The following MYOZ3 variants were observed in gnomAD, a reference collection of about 807,000 sequenced individuals.
MYOZ3 encodes the protein myozenin 3, also known as myozenin-3.
A neutral mutation model predicts 26.5 loss-of-function variants in MYOZ3; 19 were observed. The ratio of observed to expected loss-of-function variants is 0.72; its 90% confidence interval spans 0.50 to 1.05. MYOZ3 has a LOEUF of 1.05. MYOZ3 is among the 50% of genes least tolerant of loss of function. MYOZ3 has a pLI of 0.00. For synonymous variants in MYOZ3, 135 were observed against 138.8 expected (o/e 0.97, Z 0.19); for missense variants, 322 against 337.1 (o/e 0.96, Z 0.35).
At chr5:150,675,614 C>T (rs1213487456) in intron 6 of MYOZ3, among the ~76,000 whole-genome samples, 2 of 152,180 alleles carry the variant, frequency 1.3e-5, no homozygotes, top group African/African-American at 2.4e-5. Flanking sequence ...CTCAGGTGAT[C>T]GGCCCTCCTC....
Position 150,677,088 on chromosome 5 carries a change from T to G in MYOZ3, c.*213T>G. On this transcript the variant is annotated 3_prime_UTR_variant, in exon 7 of 7. Transcript: ENST00000517768. ...GTTCCAAATCCAGACAACTGGACTG[T>G]CCCAGACTTGCAGCATCAGAGTCTC... 1.9e-6 allele frequency: 1 copy of G among 530,324 alleles called. No homozygotes were observed. The highest frequency in any genetic ancestry group is 1.9e-5 in the African/African-American group (1 of 52,864). The allele number at this position is 530,324 out of a possible 1,614,324, so 32.9% of individuals were successfully genotyped here. A position where few individuals can be genotyped will look rare whatever the true frequency, so the allele number is the denominator to read the frequency against.
At chr5:150,665,458 C>A (rs1276147399) in intron 2 of MYOZ3, among the ~76,000 whole-genome samples, 1 of 152,176 alleles carries the variant, frequency 6.6e-6, no homozygotes, top group African/African-American at 2.4e-5. Flanking sequence ...CACCACGAGA[C>A]TGAGTCCCAG....
chr5:150,672,449 G>C lies in MYOZ3; in HGVS notation c.534G>C (p.Gln178His), dbSNP rs1287633882. Residue 178 changes from glutamine to histidine, a missense_variant, in exon 6 of 7, where the codon CAG becomes CAC. By Grantham distance (24) the Gln-to-His change is conservative. Coordinates refer to ENST00000517768, the MANE Select transcript of MYOZ3 (RefSeq NM_001122853.3). The part of the protein sequence containing the change: ...WQEFVSYRDY[Q>H]SDGRSHTPSP... ...AGTTCGTCAGCTACCGGGACTACCAGAGCGATGGCCGAAGTCACACCCCCA... is the reference window on the plus strand; with the variant it reads ...AGTTCGTCAGCTACCGGGACTACCACAGCGATGGCCGAAGTCACACCCCCA... 6.2e-7 allele frequency: 1 copy of C among 1,609,412 alleles called. No individual in the cohort carries two copies. Among genetic ancestry groups the C allele is most frequent in the South Asian group, 1.1e-5 (1 of 90,530 alleles).
In MYOZ3 at chr5:150,676,543, CAAAAA is replaced by C. The variant is rs749959393; in HGVS notation, c.588-148_588-144del. Among the ~76,000 whole-genome samples the C allele has an allele frequency of 4.4e-3, 257 of 57,970 alleles. 2 individuals are homozygous for C. The highest frequency in any genetic ancestry group is 0.013 in the African/African-American group (248 of 18,384). The allele number at this position is 57,970 out of a possible 152,430, so 38.0% of individuals were successfully genotyped here. On this transcript the variant is annotated intron_variant, in intron 6 of 6. Transcript: ENST00000517768. ...TGGGTGACAGAGCGAGACTCTGTCTCAAAAAAAAAAAAAAAAAAAAGATGTACAGA... is the reference window on the plus strand; with the variant it reads ...TGGGTGACAGAGCGAGACTCTGTCTCAAAAAAAAAAAAAAAGATGTACAGA...
chr5:150,666,630 A>ATATATATATATATAT (rs759319162), intron 2 of MYOZ3, among the ~76,000 whole-genome samples: 3 of 123,046 alleles, frequency 2.4e-5, no homozygotes, highest in African/African-American at 9.8e-5. Flanking sequence ...AAAAAAAAAA[A>ATATATATATATATAT]ATATATATAT....
At chr5:150,672,955 G>C (rs1417590815) in intron 6 of MYOZ3, 1 of 157,318 alleles carries the variant, frequency 6.4e-6, no homozygotes. Flanking sequence ...TTCTCTGAGG[G>C]GTCCCCAGAT....
At chr5:150,662,668 A>C (rs577321508) in intron 1 of MYOZ3, among the ~76,000 whole-genome samples, 3 of 152,134 alleles carry the variant, frequency 2.0e-5, no homozygotes, top group South Asian at 4.3e-4. Context: ...GAGCTGGGAA[A>C]AGGCCCTAGA....
At chr5:150,668,766 C>A (rs73276146) in intron 2 of MYOZ3, among the ~76,000 whole-genome samples, 21,564 of 152,138 alleles carry the variant, frequency 0.14, 2,882 homozygotes, top group African/African-American at 0.36. Context: ...TGGTAGGAAA[C>A]GCACAAAGGA....
intron 6 of MYOZ3, among the ~76,000 whole-genome samples, chr5:150,674,807 C>T (rs1464677783): frequency 6.6e-6 from 1 of 152,188 alleles, no homozygotes; most frequent in Non-Finnish European, 1.5e-5. Context: ...GTCAGAAGTT[C>T]AAGACCAGCC....
chr5:150,667,673 G>A (rs779008042), intron 2 of MYOZ3, among the ~76,000 whole-genome samples: 10 of 152,140 alleles, frequency 6.6e-5, no homozygotes, highest in Non-Finnish European at 1.5e-4. Flanking sequence ...ATAGCTGTCT[G>A]TAGCCAGGAT....
rs1222725616 is a variant in MYOZ3, at chr5:150,661,306, C to T, written c.-123C>T. On this transcript the variant is annotated 5_prime_UTR_variant, in exon 1 of 7. Transcript: ENST00000517768. ...GCTGCAGGGGACACCCTGCTCGCTG[C>T]CTACTGACTGCTGACCGCTGACTGC... 6.6e-6 allele frequency: 1 copy of T among 152,486 alleles called. No homozygotes were observed. The highest frequency in any genetic ancestry group is 2.4e-5 in the African/African-American group (1 of 41,452). The allele number at this position is 152,486 out of a possible 1,614,324, so 9.4% of individuals were successfully genotyped here.
rs1758911148 is a variant in MYOZ3, at chr5:150,671,618, A to G, written c.238A>G (p.Arg80Gly). 4 of 1,613,584 alleles carry G rather than the reference A, an allele frequency of 2.5e-6. No homozygotes were observed. Among genetic ancestry groups the G allele is most frequent in the Admixed American group, 1.7e-5 (1 of 59,992 alleles). Reference protein sequence around the residue: ...QRAMLAGSARRKVTGTAESGT... With the variant: ...QRAMLAGSARGKVTGTAESGT... ...CCAGATGCTGGCCGGAAGCGCCAGG[A>G]GGAAGGTGACTGGAACAGCGGAGTC... The change falls in exon 4 of 7, where the codon AGG becomes GGG. Residue 80 changes from arginine to glycine, a missense_variant. Coordinates refer to ENST00000517768, the MANE Select transcript of MYOZ3 (RefSeq NM_001122853.3).
chr5:150,672,033 C>G, intron 5 of MYOZ3, 125 bp downstream of exon 5: 1 of 1,339,758 alleles, frequency 7.5e-7, no homozygotes, highest in Non-Finnish European at 1.0e-6. Flanking sequence ...CACGCGCACG[C>G]GCGCACTCCC....
At chr5:150,662,562 ACT>A (rs537387184) in intron 1 of MYOZ3, among the ~76,000 whole-genome samples, 80 of 151,772 alleles carry the variant, frequency 5.3e-4, no homozygotes, top group South Asian at 3.5e-3. Flanking sequence ...TTGGACTAGG[ACT>A]CTCCTGGGTC....
chr5:150,675,314 T>C (rs1758986958), intron 6 of MYOZ3, among the ~76,000 whole-genome samples: 1 of 152,224 alleles, frequency 6.6e-6, no homozygotes, highest in Admixed American at 6.5e-5. Context: ...TTTCGAAATC[T>C]ACCATACTAA....
Position 150,679,173 on chromosome 5 carries a change from A to G in MYOZ3, c.*2298A>G, listed in dbSNP as rs886164063. The G allele has an allele frequency of 6.6e-6, 1 of 152,370 alleles. No homozygotes were observed. The highest frequency in any genetic ancestry group is 1.5e-5 in the Non-Finnish European group (1 of 68,044). The allele number at this position is 152,370 out of a possible 1,614,324, so 9.4% of individuals were successfully genotyped here. A position where few individuals can be genotyped will look rare whatever the true frequency, so the allele number is the denominator to read the frequency against. On this transcript the variant is annotated 3_prime_UTR_variant, in exon 7 of 7. Transcript: ENST00000517768. ...TCTGAAAAGTAGACAAGAGGACTCC[A>G]GTTGCCTCAGGTTGGTTCTGCTGTG... is the stretch of plus-strand genomic sequence containing the variant.
At chr5:150,670,339 G>A in intron 2 of MYOZ3, 145 bp from the exon 3 acceptor site, 1 of 935,548 alleles carries the variant, frequency 1.1e-6, no homozygotes, top group Non-Finnish European at 1.5e-6. Flanking sequence ...GGTGGGCAAA[G>A]ATTTCAAACA....
chr5:150,666,033 TAAAAA>T (rs61227926), intron 2 of MYOZ3, among the ~76,000 whole-genome samples: 1 of 115,816 alleles, frequency 8.6e-6, no homozygotes. Flanking sequence ...GAAACTCGTC[TAAAAA>T]AAAAAAAAAA....
At chr5:150,675,383 G>A (rs1341083482) in intron 6 of MYOZ3, among the ~76,000 whole-genome samples, 5 of 148,510 alleles carry the variant, frequency 3.4e-5, no homozygotes, top group African/African-American at 1.2e-4. Flanking sequence ...TTTTTTTTTC[G>A]CGGGGTGGAG....
Sources: allele counts gnomAD v4.1 joint callset (sites outside exome capture counted in the v4.1 genomes callset), GRCh38; gene constraint gnomAD v4.1.1; transcripts MANE v1.5; gene names NCBI Gene and HGNC (gene_info 2026-07-23, HGNC 2026-07-21).